SSH2: variants seen among roughly 807,000 people sequenced by gnomAD.
The protein encoded by SSH2 is protein phosphatase Slingshot homolog 2.
SSH2 carries 37 observed loss-of-function variants against 135.2 expected under a neutral mutation model. The ratio of observed to expected loss-of-function variants is 0.27; its 90% CI spans 0.21 to 0.36. The LOEUF is 0.36. Among genes scored for constraint, SSH2 ranks in the 10% least tolerant of loss-of-function variants. SSH2 has a pLI of 1.00. For missense variants in SSH2, 1,408 were observed against 1,765.3 expected, an observed-to-expected ratio of 0.80 and a Z score of 3.63; for synonymous variants, 628 against 646.2, an observed-to-expected ratio of 0.97 and a Z score of 0.43.
chr17:29,649,305 C>A (rs1211005305), intron 13 of SSH2, among the ~76,000 whole-genome samples: 1 of 152,084 alleles, frequency 6.6e-6, no homozygotes, highest in Admixed American at 6.6e-5. Context: ...TAAAATTAGC[C>A]TTTCTTTTCA....
chr17:29,842,972 T>C (rs1448480946), intron 2 of SSH2, among the ~76,000 whole-genome samples: 1 of 152,150 alleles, frequency 6.6e-6, no homozygotes, highest in Non-Finnish European at 1.5e-5. Context: ...CAAATTTCCC[T>C]TTTTCCCCCC....
intron 1 of SSH2, chr17:29,925,307 G>T: frequency 2.6e-6 from 1 of 383,200 alleles, no homozygotes. Flanking sequence ...ATTGGTGGGA[G>T]AATGGGGAGG....
At chr17:29,661,723 G>A (rs1347752168) in intron 11 of SSH2, among the ~76,000 whole-genome samples, 1 of 152,176 alleles carries the variant, frequency 6.6e-6, no homozygotes, top group Non-Finnish European at 1.5e-5. Context: ...TAAATCCTTC[G>A]TGGAACTCTG....
intron 8 of SSH2, among the ~76,000 whole-genome samples, chr17:29,672,766 T>C (rs2037545425): frequency 6.6e-6 from 1 of 152,294 alleles, no homozygotes; most frequent in Admixed American, 6.5e-5. Flanking sequence ...TGCAGTGGTG[T>C]GATCTCTGCT....
intron 3 of SSH2, among the ~76,000 whole-genome samples, chr17:29,733,650 A>G (rs1260483707): frequency 6.6e-6 from 1 of 152,238 alleles, no homozygotes; most frequent in African/African-American, 2.4e-5. Flanking sequence ...GAAACTTAAC[A>G]TAGTTCATAT....
intron 13 of SSH2, among the ~76,000 whole-genome samples, chr17:29,649,434 G>A (rs1326895293): frequency 1.3e-5 from 2 of 151,702 alleles, no homozygotes; most frequent in East Asian, 1.9e-4. Flanking sequence ...CCAGGCTCAA[G>A]TGCAGTGGTG....
intron 1 of SSH2, among the ~76,000 whole-genome samples, chr17:29,907,907 A>T (rs1797014803): frequency 6.8e-6 from 1 of 147,188 alleles, no homozygotes; most frequent in South Asian, 2.1e-4. Context: ...TGCAGCCTTG[A>T]CCTCCTGGGC....
In SSH2 at chr17:29,661,536, T is replaced by TA. The variant is rs549189201; in HGVS notation, c.1032+5330dup. 6.6e-3 allele frequency among the ~76,000 whole-genome samples: 1,001 copies of TA among 152,190 alleles called. 6 individuals carry two copies. The highest frequency in any genetic ancestry group is 0.023 in the African/African-American group (959 of 41,534). On this transcript the variant is annotated intron_variant, in intron 11 of 15. Transcript: ENST00000540801. ...AGGCAAGAGCCCTGCTGGCTTGTTTTAAAAAAATATGGGAGGCTCTGAAGG... is the reference window on the plus strand; with the variant it reads ...AGGCAAGAGCCCTGCTGGCTTGTTTTAAAAAAAATATGGGAGGCTCTGAAGG...
Position 29,632,221 on chromosome 17 carries a change from G to A in SSH2, c.2973C>T (p.His991=), listed in dbSNP as rs962314609. Residue 991 remains histidine, a synonymous_variant, in exon 16 of 16, where the codon CAC becomes CAT. Coordinates refer to ENST00000540801, the MANE Select transcript of SSH2 (RefSeq NM_001282129.2). ...CTGGGCCCTCCTGAGGATCTGGCAAGTGGTCAAACTCCAGCACCCTGGGAG... is the reference window on the plus strand; with the variant it reads ...CTGGGCCCTCCTGAGGATCTGGCAAATGGTCAAACTCCAGCACCCTGGGAG... ...VPAPRVLEFD[H]LPDPQEGPGS... The A allele has an allele frequency of 6.2e-7, 1 of 1,613,930 alleles. No individual in the cohort carries two copies. The highest frequency in any genetic ancestry group is 8.5e-7 in the Non-Finnish European group (1 of 1,179,930).
At chr17:29,655,721 G>A (rs781208688) in intron 11 of SSH2, 114 bp from the exon 12 acceptor site, 116 of 885,908 alleles carry the variant, frequency 1.3e-4, no homozygotes, top group Admixed American at 2.7e-4. Context: ...ATCTACCAGT[G>A]CCCTTTAAGT....
At chr17:29,741,773 G>A (rs936219899) in intron 3 of SSH2, among the ~76,000 whole-genome samples, 2 of 151,644 alleles carry the variant, frequency 1.3e-5, no homozygotes, top group African/African-American at 2.4e-5. Context: ...CTGCCACCAT[G>A]CCCAGCTAAT....
At chr17:29,735,773 C>A (rs2040344472) in intron 3 of SSH2, among the ~76,000 whole-genome samples, 1 of 151,628 alleles carries the variant, frequency 6.6e-6, no homozygotes, top group African/African-American at 2.4e-5. Flanking sequence ...CTCTACCTGT[C>A]CCATCATGCT....
chr17:29,826,113 A>G (rs2042738468), intron 2 of SSH2, among the ~76,000 whole-genome samples: 1 of 152,230 alleles, frequency 6.6e-6, no homozygotes. Flanking sequence ...GAGGGGCTGC[A>G]AAAACACAAA....
At chr17:29,851,085 A>T (rs1413278181) in intron 1 of SSH2, among the ~76,000 whole-genome samples, 2 of 152,230 alleles carry the variant, frequency 1.3e-5, no homozygotes, top group Non-Finnish European at 2.9e-5. Context: ...GAGAATAAGA[A>T]CATTTACTCT....
At chr17:29,828,871 G>A (rs1208196383) in intron 2 of SSH2, among the ~76,000 whole-genome samples, 2 of 152,214 alleles carry the variant, frequency 1.3e-5, no homozygotes, top group Non-Finnish European at 2.9e-5. Context: ...GCAAGTGACA[G>A]AACCTTTTCA....
intron 3 of SSH2, among the ~76,000 whole-genome samples, chr17:29,753,258 G>A (rs1304387956): frequency 2.6e-5 from 4 of 151,848 alleles, no homozygotes; most frequent in African/African-American, 7.2e-5. Context: ...AGCCTCCCGA[G>A]TAGGTGGGAT....
intron 14 of SSH2, among the ~76,000 whole-genome samples, chr17:29,638,872 T>TA (rs1487207282): frequency 6.6e-6 from 1 of 151,910 alleles, no homozygotes; most frequent in Non-Finnish European, 1.5e-5. Context: ...TTTTTGAATT[T>TA]AAAAAATGGG....
At chr17:29,852,920 A>G (rs942161900) in intron 1 of SSH2, among the ~76,000 whole-genome samples, 1 of 151,818 alleles carries the variant, frequency 6.6e-6, no homozygotes, top group Admixed American at 6.6e-5. Flanking sequence ...TCATGAGTAT[A>G]TGGCTTATTC....
rs761956316 is a variant in SSH2 at position 29,629,287 on chromosome 17, C to T, written c.*1554G>A. 7.7e-4 allele frequency: 117 copies of T among 152,804 alleles called. No individual in the cohort carries two copies. Among genetic ancestry groups the T allele is most frequent in the Non-Finnish European group, 2.8e-4 (19 of 68,038 alleles). The allele number at this position is 152,804 out of a possible 1,614,324, so 9.5% of individuals were successfully genotyped here. On this transcript the variant is annotated 3_prime_UTR_variant, in exon 16 of 16. Transcript: ENST00000540801. ...CCTCCCCTGTGGCCTTCAGCCTCTACTAGGAGCTTCCACTCTGGGCAACTC... is the reference window on the plus strand; with the variant it reads ...CCTCCCCTGTGGCCTTCAGCCTCTATTAGGAGCTTCCACTCTGGGCAACTC...
Sources: gnomAD v4.1 joint callset for allele counts (sites outside exome capture counted in the v4.1 genomes callset) on GRCh38, gnomAD v4.1.1 for gene constraint, MANE v1.5 for transcripts, NCBI Gene and HGNC (gene_info 2026-07-23, HGNC 2026-07-21) for gene names.